Variants in STX11 observed in about 807,000 individuals in gnomAD.
The protein encoded by STX11 is syntaxin 11.
In STX11, 21 loss-of-function variants were observed where a neutral mutation model predicts 19.9. That is an observed-to-expected ratio of 1.06 (90% CI 0.75 to 1.52). The LOEUF (loss-of-function observed/expected upper bound fraction) is 1.52, where lower values mean the gene tolerates loss of function less well. Ranked by LOEUF, STX11 falls within the 40% of genes most tolerant of loss-of-function variation. The pLI is 0.00. For synonymous variants in STX11, 193 were observed against 174.4 expected (o/e 1.11, Z -0.84); for missense variants, 438 against 405.9 (o/e 1.08, Z -0.68).
At chr6:144,171,979 T>C (rs765797741) in intron 1 of STX11, among the ~76,000 whole-genome samples, 26 of 152,198 alleles carry the variant, frequency 1.7e-4, no homozygotes, top group Non-Finnish European at 3.2e-4. Flanking sequence ...TCACGTTGCT[T>C]ATGTTTGTGT....
At chr6:144,186,059 T>C (rs1260013245) in intron 1 of STX11, among the ~76,000 whole-genome samples, 4 of 149,824 alleles carry the variant, frequency 2.7e-5, no homozygotes, top group African/African-American at 7.3e-5. Context: ...TTTTTCTTTT[T>C]TTTTTTTTCT....
Position 144,151,814 on chromosome 6 carries a change from T to C in STX11, c.-6+1111T>C, listed in dbSNP as rs1326119777. 1.3e-5 allele frequency among the ~76,000 whole-genome samples: 2 copies of C among 152,240 alleles called. No homozygotes were observed. Among genetic ancestry groups the C allele is most frequent in the Admixed American group, 6.5e-5 (1 of 15,292 alleles). On this transcript the variant is annotated intron_variant, in intron 1 of 1. Coordinates refer to ENST00000367568, the MANE Select transcript of STX11 (RefSeq NM_003764.4). This position sits in a 1 kb window ranked among gnomAD's most constrained non-coding sequence, Gnocchi z 4.6. ...CTAAATTGGTGCTAAAACCACATGA[T>C]GATTTTTGAAGCGGGTGGGTCCCAG... is the stretch of plus-strand genomic sequence containing the variant.
At position 144,188,882 on chromosome 6, in the gene STX11, A is replaced by G. The variant is rs1238064894; in HGVS notation, c.*1391A>G. ...GTTGGGACTCTGGGCGCGTGCCACA[A>G]TGTCTGGCTAATTTTTTATGTTTTT... is the stretch of plus-strand genomic sequence containing the variant. On this transcript the variant is annotated 3_prime_UTR_variant, in exon 2 of 2. Transcript: ENST00000367568. Among the ~76,000 whole-genome samples the G allele has an allele frequency of 1.3e-5, 2 of 151,702 alleles. No homozygotes were observed. Among genetic ancestry groups the G allele is most frequent in the Non-Finnish European group, 2.9e-5 (2 of 67,954 alleles).
intron 1 of STX11, among the ~76,000 whole-genome samples, chr6:144,186,131 A>G (rs1802022964): frequency 7.8e-6 from 1 of 127,834 alleles, no homozygotes. Flanking sequence ...TGGTTTCCCA[A>G]TGCAATCTAA....
intron 1 of STX11, among the ~76,000 whole-genome samples, chr6:144,171,356 G>A (rs1346719917): frequency 6.6e-6 from 1 of 152,120 alleles, no homozygotes; most frequent in Admixed American, 6.5e-5. Context: ...GCTCTTTTTA[G>A]CATGGCATCA....
Position 144,170,477 on chromosome 6 carries a change from C to A in STX11, c.-5-16146C>A, listed in dbSNP as rs528827165. Among the ~76,000 whole-genome samples, 1 of 152,064 alleles carries A rather than the reference C, an allele frequency of 6.6e-6. No individual in the cohort carries two copies. Among genetic ancestry groups the A allele is most frequent in the Non-Finnish European group, 1.5e-5 (1 of 68,028 alleles). ...GTGTTATGTACTTGTGTTTTGACTG[C>A]GACTTGTCACAGGAGGTCAAGTGTG... On this transcript the variant is annotated intron_variant, in intron 1 of 1. Coordinates refer to ENST00000367568, the MANE Select transcript of STX11 (RefSeq NM_003764.4). This position sits in a 1 kb window ranked among gnomAD's most constrained non-coding sequence, Gnocchi z 4.7.
Position 144,155,958 on chromosome 6 carries a change from CT to C in STX11, c.-6+5258del, listed in dbSNP as rs1199857685. ...AAATTTAATCTTTCTTTCTTTCTTT[CT>C]TTCTTTCTTTCTTTCTTTCTTTCTT... On this transcript the variant is annotated intron_variant, in intron 1 of 1. Transcript: ENST00000367568. This position sits in a 1 kb window ranked among gnomAD's most constrained non-coding sequence, Gnocchi z 4.5. Among the ~76,000 whole-genome samples, 1 of 106,490 alleles carries C rather than the reference CT, an allele frequency of 9.4e-6. No homozygotes were observed. Among genetic ancestry groups the C allele is most frequent in the Non-Finnish European group, 1.8e-5 (1 of 56,548 alleles). 69.9% of individuals were successfully genotyped at this position (106,490 alleles called of 152,430 possible). A position where few individuals can be genotyped will look rare whatever the true frequency, so the allele number is the denominator to read the frequency against.
At chr6:144,141,708 T>TGGA in the STX11 span, among the ~76,000 whole-genome samples, 1 of 152,064 alleles carries the variant, frequency 6.6e-6, no homozygotes, top group African/African-American at 2.4e-5. Flanking sequence ...AGACAGGGTC[T>TGGA]CATTCCATTG....
At position 144,176,557 on chromosome 6, in the gene STX11, T is replaced by C. The variant is rs1029195492; in HGVS notation, c.-5-10066T>C. 3.9e-5 allele frequency among the ~76,000 whole-genome samples: 6 copies of C among 152,136 alleles called. No homozygotes were observed. Among genetic ancestry groups the C allele is most frequent in the Non-Finnish European group, 7.4e-5 (5 of 68,018 alleles). ...TGCAGACACACGCAGAAAGTTACTA[T>C]TATAGAATGTTTGCTTCTCGAATGT... On this transcript the variant is annotated intron_variant, in intron 1 of 1. Coordinates refer to ENST00000367568, the MANE Select transcript of STX11 (RefSeq NM_003764.4). The surrounding 1 kb of genome is among the most constrained non-coding windows in gnomAD (Gnocchi z 4.1).
rs1801582863 is a variant in STX11, at chr6:144,169,881, A to C, written c.-5-16742A>C. On this transcript the variant is annotated intron_variant, in intron 1 of 1. Transcript: ENST00000367568. This position sits in a 1 kb window ranked among gnomAD's most constrained non-coding sequence, Gnocchi z 5.2. ...TTGTTTTTTGTAGAGCCATAGTCTC[A>C]CTATGTTGCTAGTATTGAACTCCTG... 6.6e-6 allele frequency among the ~76,000 whole-genome samples: 1 copy of C among 152,006 alleles called. No homozygotes were observed. Among genetic ancestry groups the C allele is most frequent in the Admixed American group, 6.6e-5 (1 of 15,240 alleles).
chr6:144,186,819 G>T lies in STX11; in HGVS notation c.192G>T (p.Arg64=). Residue 64 remains arginine (R), a synonymous_variant, in exon 2 of 2, where the codon CGG becomes CGT. Transcript: ENST00000367568. ...ENQLLVADVK[R]LGKQNARFLT... Reference sequence around the variant, plus strand: ...AGCTGCTGGTGGCCGACGTGAAGCGGCTGGGAAAGCAGAACGCCCGCTTCC... The same window carrying T: ...AGCTGCTGGTGGCCGACGTGAAGCGTCTGGGAAAGCAGAACGCCCGCTTCC... 6.2e-7 allele frequency: 1 copy of T among 1,613,396 alleles called. No homozygotes were observed. The highest frequency in any genetic ancestry group is 8.5e-7 in the Non-Finnish European group (1 of 1,179,954).
chr6:144,164,346 T>A (rs1231265702), intron 1 of STX11, among the ~76,000 whole-genome samples: 2 of 152,216 alleles, frequency 1.3e-5, no homozygotes, highest in African/African-American at 2.4e-5. Context: ...TAAAATCAAA[T>A]GATAAAGAAT....
At chr6:144,150,139 A>G (rs1474299386), upstream of STX11, among the ~76,000 whole-genome samples, 1 of 152,192 alleles carries the variant, frequency 6.6e-6, no homozygotes, top group Non-Finnish European at 1.5e-5. Context: ...ACCCACGCTC[A>G]GAGACGGCTT....
rs1183177616 is a variant in STX11 at position 144,180,557 on chromosome 6, A to G, written c.-5-6066A>G. Among the ~76,000 whole-genome samples, 1 of 151,850 alleles carries G rather than the reference A, an allele frequency of 6.6e-6. No individual in the cohort carries two copies. Among genetic ancestry groups the G allele is most frequent in the Non-Finnish European group, 1.5e-5 (1 of 67,948 alleles). ...GGGTTTCTGCTTTTGCTCCTTCCTC[A>G]TTTTCTCTTGCCACCACAATGTAAG... On this transcript the variant is annotated intron_variant, in intron 1 of 1. Transcript: ENST00000367568. The surrounding 1 kb of genome is among the most constrained non-coding windows in gnomAD (Gnocchi z 5.3).
Position 144,160,621 on chromosome 6 carries a change from G to C in STX11, c.-6+9918G>C, listed in dbSNP as rs1486142518. ...TATGAACCTCTACATTAAGTACTAAGAATACCAAACATTTGGCTGATTGCA... is the reference window on the plus strand; with the variant it reads ...TATGAACCTCTACATTAAGTACTAACAATACCAAACATTTGGCTGATTGCA... On this transcript the variant is annotated intron_variant, in intron 1 of 1. Transcript: ENST00000367568. The surrounding 1 kb of genome is among the most constrained non-coding windows in gnomAD (Gnocchi z 4.3). Among the ~76,000 whole-genome samples, 1 of 152,070 alleles carries C rather than the reference G, an allele frequency of 6.6e-6. No homozygotes were observed. Among genetic ancestry groups the C allele is most frequent in the Non-Finnish European group, 1.5e-5 (1 of 68,024 alleles).
rs919865914 is a variant in STX11 at position 144,183,257 on chromosome 6, T to G, written c.-5-3366T>G. On this transcript the variant is annotated intron_variant, in intron 1 of 1. Coordinates refer to ENST00000367568, the MANE Select transcript of STX11 (RefSeq NM_003764.4). The surrounding 1 kb of genome is among the most constrained non-coding windows in gnomAD (Gnocchi z 4.6). ...GCTGCACATTCTCTTTCTCCATAAC[T>G]ACTTTTTATGCCTAACAGAGTATAT... Among the ~76,000 whole-genome samples the G allele has an allele frequency of 6.6e-6, 1 of 152,250 alleles. No homozygotes were observed. Among genetic ancestry groups the G allele is most frequent in the African/African-American group, 2.4e-5 (1 of 41,468 alleles).
In STX11 at chr6:144,187,301, A is replaced by G. The variant is rs1391152639; in HGVS notation, c.674A>G (p.His225Arg). The change falls in exon 2 of 2, where the codon CAC (histidine) becomes CGC (arginine). Residue 225 changes from histidine to arginine, a missense_variant. Transcript: ENST00000367568. This position sits in a 1 kb window ranked among gnomAD's most constrained non-coding sequence, Gnocchi z 5.6. ...LRLESRIRDV[H>R]ELFLQMAVLV... ...CTGGAGAGCCGCATCCGCGACGTAC[A>G]CGAGCTCTTCTTGCAGATGGCGGTG... 2.5e-6 allele frequency: 4 copies of G among 1,612,346 alleles called. No homozygotes were observed. Among genetic ancestry groups the G allele is most frequent in the African/African-American group, 1.3e-5 (1 of 74,912 alleles).
In STX11 at chr6:144,177,642, C is replaced by G. The variant is rs956676427; in HGVS notation, c.-5-8981C>G. ...GTGCACACCTGTAATCCCAGCTACT[C>G]AGGAGGCTGAGGCAGGAGAATTGCT... is the stretch of plus-strand genomic sequence containing the variant. On this transcript the variant is annotated intron_variant, in intron 1 of 1. Coordinates refer to ENST00000367568, the MANE Select transcript of STX11 (RefSeq NM_003764.4). This position sits in a 1 kb window ranked among gnomAD's most constrained non-coding sequence, Gnocchi z 4.4. Among the ~76,000 whole-genome samples, 1 of 152,092 alleles carries G rather than the reference C, an allele frequency of 6.6e-6. No homozygotes were observed. The highest frequency in any genetic ancestry group is 1.5e-5 in the Non-Finnish European group (1 of 68,022).
chr6:144,185,973 A>G (rs1802017547), intron 1 of STX11, among the ~76,000 whole-genome samples: 1 of 152,058 alleles, frequency 6.6e-6, no homozygotes, highest in Admixed American at 6.5e-5. Context: ...AATAGGCAAC[A>G]TTTAGATGTT....
Sources: gnomAD v4.1 joint callset for allele counts (sites outside exome capture counted in the v4.1 genomes callset) on GRCh38, gnomAD v4.1.1 for gene constraint, Gnocchi (gnomAD v3.1) non-coding constraint, MANE v1.5 for transcripts, NCBI Gene and HGNC (gene_info 2026-07-23, HGNC 2026-07-21) for gene names.